Variants in GNS observed in about 807,000 individuals in gnomAD.
GNS encodes the protein N-acetylglucosamine-6-sulfatase.
In GNS, 40 loss-of-function variants were observed where a neutral mutation model predicts 69.7. The ratio of observed to expected loss-of-function variants is 0.57; its 90% CI spans 0.45 to 0.75. The LOEUF is 0.75. GNS is among the 30% of genes least tolerant of loss of function. The pLI is 0.00. For missense variants in GNS, 565 were observed against 685.5 expected, an observed-to-expected ratio of 0.82 and a Z score of 1.96; for synonymous variants, 243 against 251.6, an observed-to-expected ratio of 0.97 and a Z score of 0.32.
chr12:64,728,683 G>C (rs891062230), intron 10 of GNS, among the ~76,000 whole-genome samples: 11 of 152,024 alleles, frequency 7.2e-5, no homozygotes, highest in Admixed American at 3.9e-4. Context: ...TCATGTATTT[G>C]GACTAATGAC....
intron 5 of GNS, among the ~76,000 whole-genome samples, chr12:64,744,099 C>T (rs575956029): frequency 6.6e-6 from 1 of 152,332 alleles, no homozygotes; most frequent in Admixed American, 6.5e-5. Context: ...CTGATCTGCA[C>T]AGCTCATTCT....
At chr12:64,727,271 A>T (rs994378781) in intron 10 of GNS, among the ~76,000 whole-genome samples, 7 of 31,990 alleles carry the variant, frequency 2.2e-4, no homozygotes, top group Non-Finnish European at 6.8e-4. Context: ...TTCTACTATT[A>T]AAAAAAAAAA....
intron 10 of GNS, among the ~76,000 whole-genome samples, chr12:64,724,810 G>A (rs959955469): frequency 1.5e-4 from 23 of 152,136 alleles, no homozygotes; most frequent in South Asian, 8.3e-4. Flanking sequence ...GTGGTGAGCC[G>A]AGATTGCACC....
chr12:64,748,504 C>A (rs935020291), intron 2 of GNS, among the ~76,000 whole-genome samples: 2 of 152,024 alleles, frequency 1.3e-5, no homozygotes, highest in South Asian at 4.2e-4. Context: ...CCACTGCACC[C>A]AGCCAGAAAT....
Position 64,728,938 on chromosome 12 carries a change from T to G in GNS, c.1200+18A>C. On this transcript the variant is annotated intron_variant, in intron 10 of 13. Coordinates refer to ENST00000258145, the MANE Select transcript of GNS (RefSeq NM_002076.4). ...ATTGCGGTCTTGGCTCAGGCCTGAT[T>G]GAGGGCGCTATACTTACCAAAATGG... 8.7e-7 allele frequency: 1 copy of G among 1,147,176 alleles called. No individual in the cohort carries two copies. Among genetic ancestry groups the G allele is most frequent in the Non-Finnish European group, 1.3e-6 (1 of 753,090 alleles). The allele number at this position is 1,147,176 out of a possible 1,614,324, so 71.1% of individuals were successfully genotyped here. A position where few individuals can be genotyped will look rare whatever the true frequency, so the allele number is the denominator to read the frequency against.
chr12:64,737,009 T>C lies in GNS; in HGVS notation c.1093A>G (p.Ser365Gly). 2 of 1,522,286 alleles carry C rather than the reference T, an allele frequency of 1.3e-6. No homozygotes were observed. The highest frequency in any genetic ancestry group is 1.8e-6 in the Non-Finnish European group (2 of 1,096,022). 94.3% of individuals were successfully genotyped at this position (1,522,286 alleles called of 1,614,324 possible). ...CCAGCTTGTCAGGCACCTACCTTGC[T>C]TGTCTGATTTGGTTTGATCCCAGGT... ...RGPGIKPNQT[S>G]KMLVANIDLG... Residue 365 changes from serine (S) to glycine (G), a missense_variant, in exon 9 of 14, where the codon AGC (serine) becomes GGC (glycine). Ser to Gly is a moderately conservative substitution (Grantham distance 56). Coordinates refer to ENST00000258145, the MANE Select transcript of GNS (RefSeq NM_002076.4).
intron 2 of GNS, among the ~76,000 whole-genome samples, chr12:64,752,152 T>A (rs1280727810): frequency 1.3e-5 from 2 of 152,066 alleles, no homozygotes; most frequent in Non-Finnish European, 2.9e-5. Flanking sequence ...AGAGAGGGTG[T>A]TCCAGACTAG....
chr12:64,721,583 AG>A lies in GNS; in HGVS notation c.1419+11del, dbSNP rs1467848092. The A allele has an allele frequency of 8.1e-7, 1 of 1,233,498 alleles. No individual in the cohort carries two copies. The highest frequency in any genetic ancestry group is 1.5e-5 in the African/African-American group (1 of 67,736). The allele number at this position is 1,233,498 out of a possible 1,614,324, so 76.4% of individuals were successfully genotyped here. On this transcript the variant is annotated intron_variant, in intron 12 of 13. Coordinates refer to ENST00000258145, the MANE Select transcript of GNS (RefSeq NM_002076.4). ...AAGGAGCGGGGGAAGTGCAGGCAGA[AG>A]TCCCTCTTACCTCCTGGTCATCAAA...
At chr12:64,745,305 A>T (rs779603122) in intron 4 of GNS, among the ~76,000 whole-genome samples, 1 of 144,972 alleles carries the variant, frequency 6.9e-6, no homozygotes, top group African/African-American at 2.6e-5. Flanking sequence ...CTGCAGCCTC[A>T]AATTCCTGGG....
chr12:64,716,753 T>G lies in GNS; in HGVS notation c.1647A>C (p.Lys549Asn), dbSNP rs1214276176. 1 of 1,609,222 alleles carries G rather than the reference T, an allele frequency of 6.2e-7. No homozygotes were observed. The highest frequency in any genetic ancestry group is 8.5e-7 in the Non-Finnish European group (1 of 1,175,586). The change falls in exon 14 of 14, where the codon AAA becomes AAC. Residue 549 changes from lysine to asparagine, a missense_variant. Coordinates refer to ENST00000258145, the MANE Select transcript of GNS (RefSeq NM_002076.4). ...CTGTGTGAGGTCGCTACAGAAGATG[T>G]TTGGAAAATCTTCGAGTCCTGACAC... ...RGSVRTRRFS[K>N]HLL
At chr12:64,741,067 C>CGGAG (rs1339750389) in intron 6 of GNS, among the ~76,000 whole-genome samples, 4 of 17,208 alleles carry the variant, frequency 2.3e-4, no homozygotes, top group Non-Finnish European at 2.7e-4. Flanking sequence ...GCAAATAGGG[C>CGGAG]GTAGTGGCGG....
At chr12:64,723,423 T>C (rs1869095288) in intron 10 of GNS, among the ~76,000 whole-genome samples, 1 of 152,246 alleles carries the variant, frequency 6.6e-6, no homozygotes, top group Non-Finnish European at 1.5e-5. Flanking sequence ...ACAGTGCAAG[T>C]TGCTGAAAGT....
Position 64,749,413 on chromosome 12 carries a change from C to T in GNS, c.253-1495G>A, listed in dbSNP as rs56283597. Among the ~76,000 whole-genome samples the T allele has an allele frequency of 4.6e-3, 659 of 144,266 alleles. 7 individuals carry two copies. Among genetic ancestry groups the T allele is most frequent in the Non-Finnish European group, 4.4e-3 (290 of 65,478 alleles). The allele number at this position is 144,266 out of a possible 152,430, so 94.6% of individuals were successfully genotyped here. ...GACTACAGGTGCCCGCCACCACGCCCGGCTAATTTTTTGTAGTTTTAGTAG... is the reference window on the plus strand; with the variant it reads ...GACTACAGGTGCCCGCCACCACGCCTGGCTAATTTTTTGTAGTTTTAGTAG... On this transcript the variant is annotated intron_variant, in intron 2 of 13. Coordinates refer to ENST00000258145, the MANE Select transcript of GNS (RefSeq NM_002076.4).
intron 1 of GNS, chr12:64,756,727 T>C: frequency 6.7e-7 from 1 of 1,497,576 alleles, no homozygotes; most frequent in Non-Finnish European, 9.0e-7. Flanking sequence ...CTTGGAGTCC[T>C]GTTTGACAAT....
At chr12:64,723,247 T>A in intron 10 of GNS, 134 bp from the exon 11 acceptor site, 1 of 689,804 alleles carries the variant, frequency 1.4e-6, no homozygotes, top group African/African-American at 1.8e-5. Context: ...AGGGAATGAC[T>A]AAAACAGGTA....
intron 6 of GNS, among the ~76,000 whole-genome samples, chr12:64,742,828 C>T (rs1869788742): frequency 1.3e-5 from 2 of 152,160 alleles, no homozygotes; most frequent in African/African-American, 2.4e-5. Context: ...GGTGCAGTCC[C>T]GGCTATGCCA....
chr12:64,758,194 T>C (rs1870323212), intron 1 of GNS, among the ~76,000 whole-genome samples: 2 of 151,994 alleles, frequency 1.3e-5, no homozygotes, highest in Non-Finnish European at 2.9e-5. Context: ...ACTGACAGTC[T>C]CTAATGCAAC....
At chr12:64,757,271 T>C (rs1870280446) in intron 1 of GNS, among the ~76,000 whole-genome samples, 1 of 152,202 alleles carries the variant, frequency 6.6e-6, no homozygotes, top group African/African-American at 2.4e-5. Flanking sequence ...TTTATAAGAA[T>C]TGAAGAAACA....
intron 5 of GNS, 125 bp downstream of exon 5, chr12:64,744,684 C>A: frequency 1.4e-6 from 1 of 703,094 alleles, no homozygotes; most frequent in Non-Finnish European, 2.6e-6. Flanking sequence ...GGCAGTTAGA[C>A]CAAGTTACTG....
Sources: allele counts gnomAD v4.1 joint callset (sites outside exome capture counted in the v4.1 genomes callset), GRCh38; gene constraint gnomAD v4.1.1; transcripts MANE v1.5; gene names NCBI Gene and HGNC (gene_info 2026-07-23, HGNC 2026-07-21).